Variants in PTPRT observed in about 807,000 individuals in gnomAD.
PTPRT encodes protein tyrosine phosphatase receptor type T.
PTPRT carries 56 observed loss-of-function variants against 176.8 expected under a neutral mutation model. The observed-to-expected ratio is 0.32, with a 90% CI of 0.26 to 0.40. The LOEUF (loss-of-function observed/expected upper bound fraction) is 0.40, where lower values mean the gene tolerates loss of function less well. Ranked by LOEUF, PTPRT falls within the 10% of genes least tolerant of loss-of-function variation. The probability of loss-of-function intolerance (pLI) is 1.00; values close to 1 mark genes in which losing one functional copy is unlikely to be tolerated. For missense variants in PTPRT, 1,540 were observed against 1,908.2 expected, an observed-to-expected ratio of 0.81 and a Z score of 3.60; for synonymous variants, 783 against 739.0, an observed-to-expected ratio of 1.06 and a Z score of -0.96.
chr20:42,652,309 A>G (rs2075047522), intron 7 of PTPRT, among the ~76,000 whole-genome samples: 1 of 152,160 alleles, frequency 6.6e-6, no homozygotes, highest in Non-Finnish European at 1.5e-5. Flanking sequence ...GTAGCCCTTC[A>G]TTCATTTAAC....
At chr20:42,734,056 G>A (rs2076501875) in intron 6 of PTPRT, among the ~76,000 whole-genome samples, 1 of 152,210 alleles carries the variant, frequency 6.6e-6, no homozygotes, top group Non-Finnish European at 1.5e-5. Flanking sequence ...TGTCTGAGAT[G>A]CTTTTCCCTT....
intron 1 of PTPRT, among the ~76,000 whole-genome samples, chr20:43,154,097 C>T (rs373301605): frequency 4.9e-4 from 74 of 152,318 alleles, no homozygotes; most frequent in African/African-American, 1.7e-3. Flanking sequence ...CTGAAAACTG[C>T]TTAATTCCCC....
the PTPRT span, among the ~76,000 whole-genome samples, chr20:42,036,581 A>G: frequency 6.6e-6 from 1 of 152,172 alleles, no homozygotes; most frequent in Non-Finnish European, 1.5e-5. Context: ...TAAGATAATG[A>G]TTGGGTTTAA....
intron 2 of PTPRT, among the ~76,000 whole-genome samples, chr20:42,856,094 ACC>A (rs755702574): frequency 9.2e-5 from 14 of 152,194 alleles, no homozygotes; most frequent in Non-Finnish European, 1.3e-4. Context: ...TTAGGGGACC[ACC>A]CACCCCAGGA....
At chr20:42,740,996 T>G (rs2146292984) in intron 6 of PTPRT, among the ~76,000 whole-genome samples, 1 of 152,310 alleles carries the variant, frequency 6.6e-6, no homozygotes, top group South Asian at 2.1e-4. Flanking sequence ...TGCATGTGCA[T>G]GTGCATGCTG....
chr20:42,536,062 G>A (rs1329295746), intron 7 of PTPRT, among the ~76,000 whole-genome samples: 1 of 152,040 alleles, frequency 6.6e-6, no homozygotes, highest in African/African-American at 2.4e-5. Flanking sequence ...ATAATCTCCT[G>A]CACTAGGTTT....
intron 9 of PTPRT, among the ~76,000 whole-genome samples, chr20:42,386,486 C>A (rs1048072960): frequency 2.6e-5 from 4 of 152,120 alleles, no homozygotes; most frequent in African/African-American, 9.7e-5. Context: ...ACTGGGGATA[C>A]CTGAGAGGAG....
intron 1 of PTPRT, among the ~76,000 whole-genome samples, chr20:42,980,633 C>T (rs971075590): frequency 3.9e-5 from 6 of 152,170 alleles, no homozygotes; most frequent in Non-Finnish European, 5.9e-5. Flanking sequence ...GGAAGGAGCA[C>T]GTGAGTGTTG....
intron 1 of PTPRT, among the ~76,000 whole-genome samples, chr20:42,973,084 G>C (rs1031745101): frequency 3.3e-5 from 5 of 151,888 alleles, no homozygotes; most frequent in Admixed American, 1.3e-4. Context: ...TTAATCAGGA[G>C]GCTACCACAG....
intron 7 of PTPRT, among the ~76,000 whole-genome samples, chr20:42,585,647 C>G (rs2073458192): frequency 1.3e-5 from 2 of 152,092 alleles, no homozygotes; most frequent in South Asian, 4.1e-4. Flanking sequence ...AAGGTAGACA[C>G]TATCATTATC....
At chr20:42,503,249 A>G (rs767784487) in intron 7 of PTPRT, among the ~76,000 whole-genome samples, 14 of 151,650 alleles carry the variant, frequency 9.2e-5, no homozygotes, top group Non-Finnish European at 1.9e-4. Context: ...GTTCTTTTTT[A>G]CCGTAATATG....
intron 1 of PTPRT, among the ~76,000 whole-genome samples, chr20:42,991,028 TC>T (rs1439892624): frequency 6.6e-6 from 1 of 152,136 alleles, no homozygotes; most frequent in Non-Finnish European, 1.5e-5. Flanking sequence ...GCTTTACAGG[TC>T]ATTTCGACCT....
chr20:42,481,868 T>G (rs943483963), intron 7 of PTPRT, among the ~76,000 whole-genome samples: 2 of 152,074 alleles, frequency 1.3e-5, no homozygotes, highest in African/African-American at 2.4e-5. Flanking sequence ...AAGCATGTGG[T>G]GTACTTAGAG....
At chr20:42,678,205 A>T (rs371187443) in intron 6 of PTPRT, 46 bp from the exon 7 acceptor site, 1 of 1,555,978 alleles carries the variant, frequency 6.4e-7, no homozygotes, top group African/African-American at 1.4e-5. Context: ...CAAATGATTT[A>T]CAGAGCAGAC....
chr20:42,775,652 T>C (rs2077125109), intron 4 of PTPRT, among the ~76,000 whole-genome samples: 1 of 152,208 alleles, frequency 6.6e-6, no homozygotes, highest in Admixed American at 6.5e-5. Context: ...TGTCTTTTGG[T>C]TACTGTTTTG....
At chr20:42,881,583 G>A (rs898257545) in intron 2 of PTPRT, among the ~76,000 whole-genome samples, 2 of 152,064 alleles carry the variant, frequency 1.3e-5, no homozygotes, top group African/African-American at 4.8e-5. Context: ...AAGTTAGCCA[G>A]GCATGGCGAT....
Position 42,894,907 on chromosome 20 carries a change from C to T in PTPRT, c.89-8975G>A, listed in dbSNP as rs78799191. ...GGGCTTAAAGTCAGGAAGGCAGGCA[C>T]ATGCAGAGAACAGGGGGTGGTGTGG... On this transcript the variant is annotated intron_variant, in intron 1 of 30. Transcript: ENST00000373187. Among the ~76,000 whole-genome samples, 306 of 152,190 alleles carry T rather than the reference C, an allele frequency of 2.0e-3. 3 individuals carry two copies. In the East Asian group the frequency reaches 0.047, roughly 23 times the overall value.
chr20:42,899,285 C>T (rs542103641), intron 1 of PTPRT, among the ~76,000 whole-genome samples: 2 of 152,324 alleles, frequency 1.3e-5, no homozygotes, highest in African/African-American at 4.8e-5. Context: ...TCAGATCAGT[C>T]GGGAAAAGGT....
intron 7 of PTPRT, among the ~76,000 whole-genome samples, chr20:42,634,010 T>A (rs1365563964): frequency 6.9e-4 from 11 of 15,962 alleles, no homozygotes; most frequent in African/African-American, 1.2e-3. Context: ...TATATATATA[T>A]AATATATATA....
Sources: gnomAD v4.1 joint callset for allele counts (sites outside exome capture counted in the v4.1 genomes callset) on GRCh38, gnomAD v4.1.1 for gene constraint, MANE v1.5 for transcripts, NCBI Gene and HGNC (gene_info 2026-07-23, HGNC 2026-07-21) for gene names.